Variants in ASPH observed in about 807,000 individuals in gnomAD.
The protein encoded by ASPH is aspartyl/asparaginyl beta-hydroxylase.
In ASPH, 100 loss-of-function variants were observed where a neutral mutation model predicts 118.4. The observed-to-expected ratio is 0.84, with a 90% CI of 0.72 to 1.00. The LOEUF (loss-of-function observed/expected upper bound fraction) is 1.00, where lower values mean the gene tolerates loss of function less well. Ranked by LOEUF, ASPH falls within the 50% of genes least tolerant of loss-of-function variation. The pLI, the probability that ASPH is intolerant of heterozygous loss-of-function variation, is 0.00. For synonymous variants in ASPH, 315 were observed against 325.6 expected (o/e 0.97, Z 0.35); for missense variants, 920 against 919.5 (o/e 1.00, Z -0.01).
At chr8:61,624,083 A>T in intron 13 of ASPH, 1 of 428,888 alleles carries the variant, frequency 2.3e-6, no homozygotes, top group Non-Finnish European at 3.1e-6. Context: ...AAATATAGTT[A>T]TATACAATGA....
At chr8:61,608,343 C>A (rs921735312) in intron 14 of ASPH, among the ~76,000 whole-genome samples, 1 of 152,096 alleles carries the variant, frequency 6.6e-6, no homozygotes, top group Admixed American at 6.5e-5. Flanking sequence ...AAAGGGTCTC[C>A]GCCAAGATTC....
Position 61,517,620 on chromosome 8 carries a change from C to A in ASPH, c.2034G>T (p.Pro678=), listed in dbSNP as rs368974538. Residue 678 remains proline (P), a synonymous_variant, in exon 24 of 25, where the codon CCG becomes CCT. Transcript: ENST00000379454. ...GCCTGCAGTTTGTGGGCCCTGTGTGCGGCCACACGTGAGTCCCGGGGTGCA... is the reference window on the plus strand; with the variant it reads ...GCCTGCAGTTTGTGGGCCCTGTGTGAGGCCACACGTGAGTCCCGGGGTGCA... ...SIMHPGTHVW[P]HTGPTNCRLR... 1 of 1,613,876 alleles carries A rather than the reference C, an allele frequency of 6.2e-7. No homozygotes were observed. Among genetic ancestry groups the A allele is most frequent in the Non-Finnish European group, 8.5e-7 (1 of 1,179,920 alleles).
At chr8:61,619,909 T>C (rs769752654) in intron 13 of ASPH, among the ~76,000 whole-genome samples, 12 of 152,130 alleles carry the variant, frequency 7.9e-5, no homozygotes, top group Non-Finnish European at 1.3e-4. Context: ...GTCTGGGAGA[T>C]TGATAAAAAA....
At chr8:61,539,699 G>GTGTGTGT (rs1554618408) in intron 21 of ASPH, among the ~76,000 whole-genome samples, 3 of 124,214 alleles carry the variant, frequency 2.4e-5, no homozygotes, top group African/African-American at 5.6e-5. Flanking sequence ...ACACTTCTGG[G>GTGTGTGT]GTGTGTGTGT....
intron 14 of ASPH, among the ~76,000 whole-genome samples, chr8:61,611,592 A>G (rs1847387397): frequency 2.0e-5 from 3 of 152,232 alleles, no homozygotes; most frequent in Admixed American, 2.0e-4. Context: ...TAGAGGAGAT[A>G]AAAGTTCTAC....
At chr8:61,563,788 C>T (rs111532780) in intron 17 of ASPH, among the ~76,000 whole-genome samples, 194 of 152,346 alleles carry the variant, frequency 1.3e-3, no homozygotes, top group African/African-American at 4.4e-3. Flanking sequence ...CACCTAGGCT[C>T]ACACTTTCTT....
At chr8:61,614,592 C>T (rs1426109787) in intron 14 of ASPH, among the ~76,000 whole-genome samples, 4 of 152,124 alleles carry the variant, frequency 2.6e-5, no homozygotes, top group East Asian at 1.9e-4. Flanking sequence ...CTCAGACTCC[C>T]GAGTAGCTGG....
intron 1 of ASPH, among the ~76,000 whole-genome samples, chr8:61,705,795 C>A (rs1254314725): frequency 6.7e-6 from 1 of 148,336 alleles, no homozygotes; most frequent in Non-Finnish European, 1.5e-5. Context: ...AAAACAAATG[C>A]TAAGCTCTAG....
At chr8:61,670,709 T>C (rs1822024700) in intron 3 of ASPH, among the ~76,000 whole-genome samples, 1 of 151,448 alleles carries the variant, frequency 6.6e-6, no homozygotes, top group South Asian at 2.1e-4. Flanking sequence ...CAGGAGGATG[T>C]ACAGGCTCAA....
chr8:61,692,361 A>T (rs531726771), intron 1 of ASPH, among the ~76,000 whole-genome samples: 2 of 152,244 alleles, frequency 1.3e-5, no homozygotes, highest in Non-Finnish European at 2.9e-5. Context: ...AATAAACTTA[A>T]TTTGCATATA....
intron 13 of ASPH, chr8:61,628,441 C>T (rs1853991994): frequency 1.1e-5 from 3 of 284,538 alleles, no homozygotes; most frequent in South Asian, 3.0e-5. Flanking sequence ...AGTGCTGACA[C>T]TACATGCGTG....
intron 22 of ASPH, among the ~76,000 whole-genome samples, chr8:61,519,144 T>C (rs747792924): frequency 2.0e-5 from 3 of 152,230 alleles, no homozygotes; most frequent in Admixed American, 6.5e-5. Flanking sequence ...CATGTTTGTT[T>C]ACATTTCTCT....
chr8:61,512,784 A>G (rs1809405912), intron 24 of ASPH, among the ~76,000 whole-genome samples: 1 of 152,224 alleles, frequency 6.6e-6, no homozygotes, highest in Non-Finnish European at 1.5e-5. Context: ...TGACACAGAT[A>G]TAATTTTGGA....
chr8:61,578,181 G>C, intron 15 of ASPH: 1 of 1,538,964 alleles, frequency 6.5e-7, no homozygotes, highest in East Asian at 2.3e-5. Context: ...TAGGATCTCC[G>C]CCTGGTTCGG....
intron 1 of ASPH, among the ~76,000 whole-genome samples, chr8:61,690,599 C>T (rs1357586812): frequency 1.3e-5 from 2 of 151,994 alleles, no homozygotes; most frequent in African/African-American, 4.8e-5. Flanking sequence ...TAGCAGTTCA[C>T]AGAATTCATT....
chr8:61,681,313 T>C (rs1489116920), intron 2 of ASPH, among the ~76,000 whole-genome samples: 1 of 151,840 alleles, frequency 6.6e-6, no homozygotes, highest in East Asian at 1.9e-4. Context: ...CCTGATCTAA[T>C]TAGTTCAGAA....
chr8:61,708,449 T>C (rs1185005707), intron 1 of ASPH, among the ~76,000 whole-genome samples: 2 of 152,158 alleles, frequency 1.3e-5, no homozygotes, highest in Non-Finnish European at 2.9e-5. Context: ...AATTTACAAG[T>C]GAAACTAAGA....
chr8:61,652,953 A>T (rs1245310449), intron 4 of ASPH, among the ~76,000 whole-genome samples: 1 of 152,228 alleles, frequency 6.6e-6, no homozygotes, highest in Non-Finnish European at 1.5e-5. Flanking sequence ...GTCATTCCTT[A>T]AACTTTCAAT....
intron 13 of ASPH, among the ~76,000 whole-genome samples, chr8:61,620,137 G>T (rs6471964): frequency 0.18 from 27,728 of 152,120 alleles, 2,669 homozygotes; most frequent in South Asian, 0.35. Flanking sequence ...TTGCTCCTTT[G>T]AGACTCTACA....
Sources: gnomAD v4.1 joint callset for allele counts (sites outside exome capture counted in the v4.1 genomes callset) on GRCh38, gnomAD v4.1.1 for gene constraint, MANE v1.5 for transcripts, NCBI Gene and HGNC (gene_info 2026-07-23, HGNC 2026-07-21) for gene names.